The following UHRF1 variants were observed in gnomAD, a reference collection of about 807,000 sequenced individuals.
UHRF1 encodes the protein ubiquitin like with PHD and ring finger domains 1, also known as E3 ubiquitin-protein ligase UHRF1.
UHRF1 carries 9 observed loss-of-function variants against 96.5 expected under a neutral mutation model. The observed-to-expected ratio is 0.09, with a 90% CI of 0.06 to 0.16. The LOEUF is 0.16. UHRF1 is among the 10% of genes least tolerant of loss of function. The pLI is 1.00. For missense variants in UHRF1, 626 were observed against 1,131.1 expected, an observed-to-expected ratio of 0.55 and a Z score of 6.40; for synonymous variants, 455 against 469.9, an observed-to-expected ratio of 0.97 and a Z score of 0.41.
rs1025838637 is a variant in UHRF1 at position 4,920,240 on chromosome 19, T to C, written c.154-8982T>C. Reference sequence around the variant, plus strand: ...TGAGGTCGGGAGTTAGAGATCAGCCTGGCCAACATGGTGAAACCTCGTCTC... The same window carrying C: ...TGAGGTCGGGAGTTAGAGATCAGCCCGGCCAACATGGTGAAACCTCGTCTC... On this transcript the variant is annotated intron_variant, in intron 2 of 16. Transcript: ENST00000650932. 2.6e-5 allele frequency among the ~76,000 whole-genome samples: 4 copies of C among 152,136 alleles called. No individual in the cohort carries two copies. The East Asian group carries it at 7.8e-4, about 30-fold the overall frequency.
At chr19:4,959,946 C>G (rs534611867) in intron 16 of UHRF1, among the ~76,000 whole-genome samples, 1 of 152,210 alleles carries the variant, frequency 6.6e-6, no homozygotes, top group African/African-American at 2.4e-5. Flanking sequence ...CTGCAACCTC[C>G]GCCTCCCGGG....
intron 7 of UHRF1, among the ~76,000 whole-genome samples, chr19:4,942,423 C>T (rs2033434790): frequency 6.6e-6 from 1 of 151,902 alleles, no homozygotes; most frequent in Non-Finnish European, 1.5e-5. Context: ...ATCCCCTGAC[C>T]TCGTGATCCG....
chr19:4,924,668 A>G (rs2032810231), intron 2 of UHRF1, among the ~76,000 whole-genome samples: 1 of 152,068 alleles, frequency 6.6e-6, no homozygotes, highest in African/African-American at 2.4e-5. Flanking sequence ...CGGAGTTCCT[A>G]TAGACCCCCT....
chr19:4,929,768 A>G (rs1375255448), intron 3 of UHRF1, among the ~76,000 whole-genome samples: 1 of 152,078 alleles, frequency 6.6e-6, no homozygotes, highest in Non-Finnish European at 1.5e-5. Context: ...AGATCAGGAA[A>G]TGTCACAGAA....
intron 2 of UHRF1, among the ~76,000 whole-genome samples, chr19:4,920,601 G>T (rs74712938): frequency 0.035 from 5,332 of 150,926 alleles, 92 homozygotes; most frequent in Middle Eastern, 0.12. Context: ...GGAGCACAGT[G>T]GCTATTCACA....
intron 5 of UHRF1, among the ~76,000 whole-genome samples, chr19:4,934,404 A>G (rs2033156612): frequency 6.6e-6 from 1 of 152,116 alleles, no homozygotes; most frequent in South Asian, 2.1e-4. Context: ...GTTGTTACGC[A>G]ACCATCTCCA....
chr19:4,957,042 G>A (rs1330170541), intron 16 of UHRF1, among the ~76,000 whole-genome samples: 2 of 152,188 alleles, frequency 1.3e-5, no homozygotes, highest in Non-Finnish European at 2.9e-5. Context: ...GGTGGGAGAG[G>A]ATGGGCCACA....
At chr19:4,956,127 C>A (rs992424388) in intron 15 of UHRF1, among the ~76,000 whole-genome samples, 25 of 152,012 alleles carry the variant, frequency 1.6e-4, no homozygotes, top group African/African-American at 5.8e-4. Flanking sequence ...GATGGGATTT[C>A]ACCGTGTTGG....
At chr19:4,908,811 CGCTGGGTTCTGCA>C (rs1264164824), upstream of UHRF1, among the ~76,000 whole-genome samples, 1 of 152,174 alleles carries the variant, frequency 6.6e-6, no homozygotes, top group East Asian at 1.9e-4. Flanking sequence ...CCATGTACAC[CGCTGGGTTCTGCA>C]GCTCTGAGCA....
At chr19:4,948,949 C>CCAT (rs2033644292) in intron 11 of UHRF1, among the ~76,000 whole-genome samples, 1 of 142,592 alleles carries the variant, frequency 7.0e-6, no homozygotes, top group South Asian at 2.3e-4. Flanking sequence ...TGGTGAAACC[C>CCAT]CATCTCTACT....
chr19:4,925,306 T>A (rs1599256217), intron 2 of UHRF1, among the ~76,000 whole-genome samples: 1 of 152,060 alleles, frequency 6.6e-6, no homozygotes, highest in African/African-American at 2.4e-5. Flanking sequence ...CTGCATCTCC[T>A]CCCGCAGCCC....
In UHRF1 at chr19:4,954,581, G is replaced by A. The variant is rs1017235124; in HGVS notation, c.1958-69G>A. ...TGGGGTTGAGGTCGTGTGGACGTGGGAGCCGGTGGCTGTCTCTCCGGCAGC... is the reference window on the plus strand; with the variant it reads ...TGGGGTTGAGGTCGTGTGGACGTGGAAGCCGGTGGCTGTCTCTCCGGCAGC... On this transcript the variant is annotated intron_variant, in intron 14 of 16. Coordinates refer to ENST00000650932, the MANE Select transcript of UHRF1 (RefSeq NM_001048201.3). The surrounding 1 kb of genome is among the most constrained non-coding windows in gnomAD (Gnocchi z 5.9). 1.3e-6 allele frequency: 2 copies of A among 1,590,910 alleles called. No homozygotes were observed. The highest frequency in any genetic ancestry group is 2.3e-5 in the South Asian group (2 of 87,640).
intron 2 of UHRF1, among the ~76,000 whole-genome samples, chr19:4,913,429 A>G (rs1385087402): frequency 1.3e-5 from 2 of 151,704 alleles, no homozygotes; most frequent in African/African-American, 2.4e-5. Flanking sequence ...AATTTTTTGT[A>G]TTTTTAGTAG....
chr19:4,942,347 C>T (rs1456133041), intron 7 of UHRF1, among the ~76,000 whole-genome samples: 1 of 151,912 alleles, frequency 6.6e-6, no homozygotes, highest in Admixed American at 6.6e-5. Context: ...CCCGCCTCCA[C>T]GCCTGGCTAA....
At chr19:4,923,139 A>G (rs2032755525) in intron 2 of UHRF1, among the ~76,000 whole-genome samples, 6 of 151,942 alleles carry the variant, frequency 3.9e-5, no homozygotes, top group Admixed American at 3.3e-4. Flanking sequence ...CCTACCCGCC[A>G]CCAGTTCTCA....
intron 5 of UHRF1, among the ~76,000 whole-genome samples, chr19:4,936,101 T>A (rs894051639): frequency 2.6e-5 from 4 of 152,144 alleles, no homozygotes; most frequent in African/African-American, 9.7e-5. Flanking sequence ...CCTCTGGGGA[T>A]GCAGGAGGCA....
At chr19:4,909,054 GGGGCGATC>G (rs896882632), upstream of UHRF1, 1 of 160,622 alleles carries the variant, frequency 6.2e-6, no homozygotes, top group African/African-American at 2.4e-5. Context: ...AGTGGGGCTT[GGGGCGATC>G]GGGCGAGCCA....
intron 15 of UHRF1, among the ~76,000 whole-genome samples, 164 bp from the exon 16 acceptor site, chr19:4,956,545 G>A (rs2033861535): frequency 6.6e-6 from 1 of 152,154 alleles, no homozygotes; most frequent in Admixed American, 6.5e-5. Context: ...ATGCCTGTTG[G>A]GCCTCTGTTT....
At position 4,950,978 on chromosome 19, in the gene UHRF1, G is replaced by A. The variant is rs1236743778; in HGVS notation, c.1800G>A (p.Lys600=). 8 of 1,610,538 alleles carry A rather than the reference G, an allele frequency of 5.0e-6. No individual in the cohort carries two copies. Among genetic ancestry groups the A allele is most frequent in the Admixed American group, 1.7e-5 (1 of 59,536 alleles). ...AGGAGGGGAAGGACCGGATCAAGAA[G>A]CTGGGGCTGACCATGCAGGTGTGTC... The part of the protein sequence containing the change: ...WTKEGKDRIK[K]LGLTMQYPEG... The change falls in exon 13 of 17, where the codon AAG becomes AAA. Residue 600 remains lysine (K), a synonymous_variant. Transcript: ENST00000650932.
Sources: allele counts gnomAD v4.1 joint callset (sites outside exome capture counted in the v4.1 genomes callset), GRCh38; gene constraint gnomAD v4.1.1; non-coding constraint Gnocchi (gnomAD v3.1); transcripts MANE v1.5; gene names NCBI Gene and HGNC (gene_info 2026-07-23, HGNC 2026-07-21).